WNT5B: variants seen among roughly 807,000 people sequenced by gnomAD.
The protein encoded by WNT5B is protein Wnt-5b.
In WNT5B, 18 loss-of-function variants were observed where a neutral mutation model predicts 36.5. The observed-to-expected ratio is 0.49, with a 90% CI of 0.34 to 0.73. The LOEUF is 0.73. WNT5B is among the 30% of genes least tolerant of loss of function. The pLI is 0.01. For synonymous variants in WNT5B, 213 were observed against 212.3 expected (o/e 1.00, Z -0.03); for missense variants, 424 against 508.4 (o/e 0.83, Z 1.60).
intron 3 of WNT5B, among the ~76,000 whole-genome samples, chr12:1,639,287 G>C (rs994571455): frequency 2.6e-5 from 4 of 151,318 alleles, no homozygotes; most frequent in African/African-American, 7.3e-5. Context: ...ACAGGCGCCC[G>C]CCACCACGCC....
intron 1 of WNT5B, among the ~76,000 whole-genome samples, chr12:1,624,064 G>A (rs773835774): frequency 3.3e-5 from 5 of 152,176 alleles, no homozygotes; most frequent in Non-Finnish European, 7.3e-5. Flanking sequence ...ACTATTCGCA[G>A]CCGTAGTAAC....
Position 1,645,674 on chromosome 12 carries a change from GCTAT to G in WNT5B, c.622-114_622-111del, listed in dbSNP as rs1406293803. 5.6e-6 allele frequency: 5 copies of G among 888,332 alleles called. No homozygotes were observed. In the Admixed American group the frequency reaches 1.0e-4, roughly 18 times the overall value. 55.0% of individuals were successfully genotyped at this position (888,332 alleles called of 1,614,324 possible). A position where few individuals can be genotyped will look rare whatever the true frequency, so the allele number is the denominator to read the frequency against. On this transcript the variant is annotated intron_variant, in intron 4 of 4. Transcript: ENST00000397196. ...AAAGATCTTTGCATGCATTTGAAAA[GCTAT>G]CTATCCCCTACCCTACCGGCCCCTC...
chr12:1,630,267 C>T lies in WNT5B; in HGVS notation c.-58+896C>T. The T allele has an allele frequency of 2.0e-6, 2 of 981,898 alleles. No individual in the cohort carries two copies. Among genetic ancestry groups the T allele is most frequent in the South Asian group, 4.7e-5 (1 of 21,234 alleles). 60.8% of individuals were successfully genotyped at this position (981,898 alleles called of 1,614,324 possible). A position where few individuals can be genotyped will look rare whatever the true frequency, so the allele number is the denominator to read the frequency against. On this transcript the variant is annotated intron_variant, in intron 1 of 4. Transcript: ENST00000397196. This position sits in a 1 kb window ranked among gnomAD's most constrained non-coding sequence, Gnocchi z 5.3. ...GAGGCCGCTGGGGGCGCGGGTCACG[C>T]CCAGACGGGGGCCCCGGAGGACCGC...
At chr12:1,619,911 ATCT>A (rs375758814) in intron 1 of WNT5B, among the ~76,000 whole-genome samples, 9 of 152,084 alleles carry the variant, frequency 5.9e-5, no homozygotes, top group African/African-American at 2.2e-4. Context: ...GAGTATGAGG[ATCT>A]TCTTTTTTAA....
chr12:1,632,852 G>A lies in WNT5B; in HGVS notation c.275G>A (p.Trp92Ter). ...ECQHQFRQRR[W>*]NCSTADNASV... ...CAGCACCAGTTCCGGCAGCGGCGGTGGAATTGCAGCACAGCGGACAACGCA... is the reference window on the plus strand; with the variant it reads ...CAGCACCAGTTCCGGCAGCGGCGGTAGAATTGCAGCACAGCGGACAACGCA... The change falls in exon 3 of 5, where the codon TGG becomes TAG. Residue 92 changes from tryptophan (W) to a stop codon, truncating the protein, a stop_gained. Transcript: ENST00000397196. LOFTEE classifies it high-confidence loss of function. This position sits in a 1 kb window ranked among gnomAD's most constrained non-coding sequence, Gnocchi z 5.8. 2.5e-6 allele frequency: 4 copies of A among 1,614,112 alleles called. No individual in the cohort carries two copies. Among genetic ancestry groups the A allele is most frequent in the Non-Finnish European group, 3.4e-6 (4 of 1,179,986 alleles).
chr12:1,644,168 C>G lies in WNT5B; in HGVS notation c.622-1626C>G, dbSNP rs571823343. ...TTTCCAGAGGAATGTCAGGCTGCAG[C>G]TCAGACCCAGGGCATTTGGGATGGA... On this transcript the variant is annotated intron_variant, in intron 4 of 4. Coordinates refer to ENST00000397196, the MANE Select transcript of WNT5B (RefSeq NM_032642.3). This position sits in a 1 kb window ranked among gnomAD's most constrained non-coding sequence, Gnocchi z 5.1. Among the ~76,000 whole-genome samples, 1 of 152,342 alleles carries G rather than the reference C, an allele frequency of 6.6e-6. No homozygotes were observed. The highest frequency in any genetic ancestry group is 2.1e-4 in the South Asian group (1 of 4,832).
chr12:1,623,184 G>GGTTTTTTTT (rs1272170104), intron 1 of WNT5B, among the ~76,000 whole-genome samples: 80 of 53,514 alleles, frequency 1.5e-3, no homozygotes, highest in African/African-American at 5.6e-3. Flanking sequence ...AGGGTTTTTT[G>GGTTTTTTTT]TTGTTTTTTT....
chr12:1,619,843 C>T (rs1327704872), intron 1 of WNT5B, among the ~76,000 whole-genome samples: 1 of 152,118 alleles, frequency 6.6e-6, no homozygotes, highest in South Asian at 2.1e-4. Flanking sequence ...CCCACCTGCC[C>T]TCAAATAGTC....
rs768793756 is a variant in WNT5B, at chr12:1,646,214, A to C, written c.1042A>C (p.Lys348Gln). 54 of 1,613,532 alleles carry C rather than the reference A, an allele frequency of 3.3e-5. No homozygotes were observed. Among genetic ancestry groups the C allele is most frequent in the Non-Finnish European group, 4.2e-5 (50 of 1,179,976 alleles). The change falls in exon 5 of 5, where the codon AAG becomes CAG. Residue 348 changes from lysine (K) to glutamine (Q), a missense_variant. Transcript: ENST00000397196. ...FHWCCFVRCK[K>Q]CTEIVDQYIC... ...CTGGTGCTGCTTCGTCAGGTGTAAG[A>C]AGTGCACGGAGATCGTGGACCAGTA...
At chr12:1,643,861 A>G (rs1362449795) in intron 4 of WNT5B, among the ~76,000 whole-genome samples, 1 of 151,868 alleles carries the variant, frequency 6.6e-6, no homozygotes, top group Non-Finnish European at 1.5e-5. Context: ...AAAATTGCAG[A>G]TATTCCTATC....
Position 1,630,213 on chromosome 12 carries a change from G to T in WNT5B, c.-58+842G>T, listed in dbSNP as rs1313471968. The T allele has an allele frequency of 9.1e-6, 9 of 985,250 alleles. No homozygotes were observed. In the East Asian group the frequency reaches 9.1e-4, roughly 100 times the overall value. 61.0% of individuals were successfully genotyped at this position (985,250 alleles called of 1,614,324 possible). A position where few individuals can be genotyped will look rare whatever the true frequency, so the allele number is the denominator to read the frequency against. On this transcript the variant is annotated intron_variant, in intron 1 of 4. Coordinates refer to ENST00000397196, the MANE Select transcript of WNT5B (RefSeq NM_032642.3). The surrounding 1 kb of genome is among the most constrained non-coding windows in gnomAD (Gnocchi z 5.3). Reference sequence around the variant, plus strand: ...GGCGCAGTGAGCCGGGGCGCGCGGGGCTGCGCTCGTCAGGTCCGGGGCCCC... The same window carrying T: ...GGCGCAGTGAGCCGGGGCGCGCGGGTCTGCGCTCGTCAGGTCCGGGGCCCC...
At chr12:1,640,481 T>G (rs1161553468) in intron 4 of WNT5B, among the ~76,000 whole-genome samples, 1 of 152,190 alleles carries the variant, frequency 6.6e-6, no homozygotes, top group South Asian at 2.1e-4. Context: ...ACAAACACAC[T>G]TCTGAGCTAG....
At chr12:1,621,278 A>G (rs967102870) in intron 1 of WNT5B, among the ~76,000 whole-genome samples, 4 of 152,154 alleles carry the variant, frequency 2.6e-5, no homozygotes, top group South Asian at 2.1e-4. Flanking sequence ...GCCTGGATAC[A>G]GGAAGAGAAT....
chr12:1,631,029 T>C (rs1337064438), intron 1 of WNT5B: 10 of 209,390 alleles, frequency 4.8e-5, no homozygotes, highest in Non-Finnish European at 3.8e-5. Context: ...TTGAAATTAC[T>C]TGTTTTCATT....
At chr12:1,625,958 CT>C (rs1365995355), upstream of WNT5B, among the ~76,000 whole-genome samples, 5 of 151,012 alleles carry the variant, frequency 3.3e-5, no homozygotes, top group Non-Finnish European at 7.4e-5. Flanking sequence ...CCACCGCACC[CT>C]GCCTGTTTTT....
At chr12:1,625,979 C>CTTTTT (rs547219559), upstream of WNT5B, among the ~76,000 whole-genome samples, 2 of 134,430 alleles carry the variant, frequency 1.5e-5, no homozygotes, top group Non-Finnish European at 1.6e-5. Flanking sequence ...TTTTCTCTCT[C>CTTTTT]TTTTTTTTTT....
chr12:1,625,423 AG>A, upstream of WNT5B, among the ~76,000 whole-genome samples: 1 of 152,234 alleles, frequency 6.6e-6, no homozygotes, highest in African/African-American at 2.4e-5. Flanking sequence ...CTTTCTCTAC[AG>A]TACGAGAAAT....
At chr12:1,625,378 G>A (rs893922312), upstream of WNT5B, among the ~76,000 whole-genome samples, 5 of 152,114 alleles carry the variant, frequency 3.3e-5, no homozygotes, top group African/African-American at 1.2e-4. Context: ...CATTTTAGGA[G>A]GTATTTGTCT....
At chr12:1,645,711 C>T (rs984693592) in intron 4 of WNT5B, 83 bp from the exon 5 acceptor site, 1 of 1,349,630 alleles carries the variant, frequency 7.4e-7, no homozygotes, top group African/African-American at 1.5e-5. Context: ...CTCCTGTGTA[C>T]TAGGCCTGTG....
Sources: gnomAD v4.1 joint callset for allele counts (sites outside exome capture counted in the v4.1 genomes callset) on GRCh38, gnomAD v4.1.1 for gene constraint, Gnocchi (gnomAD v3.1) non-coding constraint, MANE v1.5 for transcripts, NCBI Gene and HGNC (gene_info 2026-07-23, HGNC 2026-07-21) for gene names.